The following PRKAG2 variants were observed in gnomAD, a reference collection of about 807,000 sequenced individuals.
PRKAG2 encodes protein kinase AMP-activated non-catalytic subunit gamma 2.
PRKAG2 carries 26 observed loss-of-function variants against 69.6 expected under a neutral mutation model. That is an observed-to-expected ratio of 0.37 (90% CI 0.27 to 0.52). PRKAG2 has a LOEUF of 0.52. Among genes scored for constraint, PRKAG2 ranks in the 20% least tolerant of loss-of-function variants. PRKAG2 has a pLI of 0.90. For missense variants in PRKAG2, 557 were observed against 740.0 expected (o/e 0.75, Z 2.87); for synonymous variants, 293 against 285.0 (o/e 1.03, Z -0.28).
rs574129821 is a variant in PRKAG2 at position 151,614,209 on chromosome 7, G to A, written c.754+17860C>T. 7.2e-5 allele frequency among the ~76,000 whole-genome samples: 11 copies of A among 152,298 alleles called. No homozygotes were observed. The highest frequency in any genetic ancestry group is 2.0e-4 in the Admixed American group (3 of 15,294). ...ACGCTGTCTCCAGCTGTGTCTTGAAGGCAGGAAAAGGGATTCCAGGCAGAG... is the reference window on the plus strand; with the variant it reads ...ACGCTGTCTCCAGCTGTGTCTTGAAAGCAGGAAAAGGGATTCCAGGCAGAG... On this transcript the variant is annotated intron_variant, in intron 5 of 15. Transcript: ENST00000287878. This position sits in a 1 kb window ranked among gnomAD's most constrained non-coding sequence, Gnocchi z 4.4.
intron 3 of PRKAG2, among the ~76,000 whole-genome samples, chr7:151,686,877 C>G (rs1394442553): frequency 6.6e-6 from 1 of 152,086 alleles, no homozygotes; most frequent in African/African-American, 2.4e-5. Flanking sequence ...TGGAAAATAT[C>G]TGAGTGATCT....
intron 6 of PRKAG2, among the ~76,000 whole-genome samples, chr7:151,591,266 C>T (rs1813062266): frequency 6.6e-6 from 1 of 152,256 alleles, no homozygotes; most frequent in African/African-American, 2.4e-5. Context: ...GTCTGCTTTA[C>T]CTGGCAACAG....
At chr7:151,752,865 G>T (rs1346383695) in intron 3 of PRKAG2, among the ~76,000 whole-genome samples, 7 of 152,258 alleles carry the variant, frequency 4.6e-5, no homozygotes, top group Non-Finnish European at 8.8e-5. Flanking sequence ...GCCCTGACTG[G>T]TGACAAGGGG....
At chr7:151,848,190 T>A (rs1321693299) in intron 1 of PRKAG2, among the ~76,000 whole-genome samples, 1 of 152,158 alleles carries the variant, frequency 6.6e-6, no homozygotes, top group African/African-American at 2.4e-5. Context: ...TGAAACTTAA[T>A]CCCTCATGCA....
intron 3 of PRKAG2, among the ~76,000 whole-genome samples, chr7:151,718,320 C>T (rs923029385): frequency 6.6e-6 from 1 of 152,096 alleles, no homozygotes; most frequent in Non-Finnish European, 1.5e-5. Flanking sequence ...GGCCACAGTC[C>T]TATCAGCTTA....
chr7:151,560,532 G>A lies in PRKAG2; in HGVS notation c.1670C>T (p.Thr557Ile). The part of the protein sequence containing the change: ...LSDILQALIL[T>I]PAGAKQKETE... ...AGAAACCAGCATTTTACCTGCTGGT[G>A]TGAGGATCAGGGCTTGCAGAATGTC... Residue 557 changes from threonine to isoleucine, a missense_variant, in exon 15 of 16, where the codon ACA becomes ATA. Physicochemically the swap from Thr to Ile is moderately conservative, Grantham distance 89 (BLOSUM62 -1). This residue lies in a region of PRKAG2 where 205 missense variants were observed against 383.4 expected (regional missense o/e 0.53). Transcript: ENST00000287878. 6.2e-7 allele frequency: 1 copy of A among 1,614,166 alleles called. No homozygotes were observed. The highest frequency in any genetic ancestry group is 1.1e-5 in the South Asian group (1 of 91,082).
At chr7:151,823,839 C>T (rs1586671712) in intron 1 of PRKAG2, among the ~76,000 whole-genome samples, 1 of 152,178 alleles carries the variant, frequency 6.6e-6, no homozygotes, top group Admixed American at 6.5e-5. Flanking sequence ...ATTAGAACCT[C>T]TGGGGAGTTT....
chr7:151,789,572 C>T (rs574127523), intron 1 of PRKAG2, among the ~76,000 whole-genome samples: 1 of 140,152 alleles, frequency 7.1e-6, no homozygotes, highest in Non-Finnish European at 1.5e-5. Flanking sequence ...GCTAAGGCCC[C>T]AGCCACTCGT....
chr7:151,706,175 G>A (rs1400274515), intron 3 of PRKAG2, among the ~76,000 whole-genome samples: 2 of 152,222 alleles, frequency 1.3e-5, no homozygotes, highest in South Asian at 2.1e-4. Context: ...CCACACAGCT[G>A]GCTGGTGTCA....
intron 1 of PRKAG2, among the ~76,000 whole-genome samples, chr7:151,838,840 C>T (rs950642939): frequency 8.6e-5 from 13 of 151,412 alleles, no homozygotes; most frequent in Non-Finnish European, 1.5e-4. Flanking sequence ...CATGGTGAAA[C>T]CCCATCTCTA....
At chr7:151,867,222 G>A (rs192681484) in intron 1 of PRKAG2, among the ~76,000 whole-genome samples, 57 of 152,284 alleles carry the variant, frequency 3.7e-4, no homozygotes, top group East Asian at 3.7e-3. Context: ...CTGTGGCTGC[G>A]CTGTGCTTTG....
rs2080417875 is a variant in PRKAG2 at position 151,876,859 on chromosome 7, C to T, written c.-239G>A. 1 of 578,430 alleles carries T rather than the reference C, an allele frequency of 1.7e-6. No homozygotes were observed. 35.8% of individuals were successfully genotyped at this position (578,430 alleles called of 1,614,324 possible). On this transcript the variant is annotated 5_prime_UTR_variant, in exon 1 of 16. Transcript: ENST00000287878. ...CCTCGTAGGCAAATCAGTCAAAGCCCGTCCCGGTTCTGGTGTCTCCCCGGG... is the reference window on the plus strand; with the variant it reads ...CCTCGTAGGCAAATCAGTCAAAGCCTGTCCCGGTTCTGGTGTCTCCCCGGG...
chr7:151,667,337 A>T (rs1831202294), intron 4 of PRKAG2, among the ~76,000 whole-genome samples: 1 of 152,212 alleles, frequency 6.6e-6, no homozygotes, highest in Non-Finnish European at 1.5e-5. Flanking sequence ...AACCGCAACA[A>T]TCTACTTTAC....
chr7:151,844,452 G>A (rs1396350127), intron 1 of PRKAG2, among the ~76,000 whole-genome samples: 2 of 152,176 alleles, frequency 1.3e-5, no homozygotes, highest in Non-Finnish European at 2.9e-5. Context: ...GAAGGAACGG[G>A]GGTAAAAACC....
At position 151,632,260 on chromosome 7, in the gene PRKAG2, G is replaced by C; in HGVS notation, c.685-122C>G. On this transcript the variant is annotated intron_variant, in intron 4 of 15. Transcript: ENST00000287878. This position sits in a 1 kb window ranked among gnomAD's most constrained non-coding sequence, Gnocchi z 4.2. The stretch of plus-strand genomic sequence containing the variant: ...CCGCGCCGCCGGGAGGAGGGGCCTG[G>C]CAGGGGACGCGGGCAGCGGGGGCCG... 1 of 1,044,690 alleles carries C rather than the reference G, an allele frequency of 9.6e-7. No homozygotes were observed. Among genetic ancestry groups the C allele is most frequent in the Non-Finnish European group, 1.2e-6 (1 of 869,282 alleles). The allele number at this position is 1,044,690 out of a possible 1,614,324, so 64.7% of individuals were successfully genotyped here.
At chr7:151,701,392 A>G (rs1448903444) in intron 3 of PRKAG2, among the ~76,000 whole-genome samples, 1 of 152,202 alleles carries the variant, frequency 6.6e-6, no homozygotes, top group Non-Finnish European at 1.5e-5. Context: ...GACCTTAGAC[A>G]TAGGGTCATT....
intron 3 of PRKAG2, among the ~76,000 whole-genome samples, chr7:151,727,893 C>A (rs1563536560): frequency 6.6e-6 from 1 of 152,188 alleles, no homozygotes; most frequent in Non-Finnish European, 1.5e-5. Flanking sequence ...TGTGAGTCAT[C>A]AAAACTTCCT....
Position 151,814,298 on chromosome 7 carries a change from C to G in PRKAG2, c.115-27757G>C. On this transcript the variant is annotated intron_variant, in intron 1 of 15. Coordinates refer to ENST00000287878, the MANE Select transcript of PRKAG2 (RefSeq NM_016203.4). The surrounding 1 kb of genome is among the most constrained non-coding windows in gnomAD (Gnocchi z 4.8). The stretch of plus-strand genomic sequence containing the variant: ...AAGAGGCTCTTGGAGAACAAAGCCA[C>G]AATTCAGCATCAGTCTTACACACCA... 1.5e-6 allele frequency: 1 copy of G among 683,916 alleles called. No homozygotes were observed. The highest frequency in any genetic ancestry group is 1.9e-6 in the Non-Finnish European group (1 of 519,968). 42.4% of individuals were successfully genotyped at this position (683,916 alleles called of 1,614,324 possible).
intron 5 of PRKAG2, among the ~76,000 whole-genome samples, chr7:151,626,202 C>T (rs975260746): frequency 7.2e-5 from 11 of 152,148 alleles, no homozygotes; most frequent in African/African-American, 1.9e-4. Flanking sequence ...CCAATACCCC[C>T]GAATCCTCCC....
Sources: gnomAD v4.1 joint callset for allele counts (sites outside exome capture counted in the v4.1 genomes callset) on GRCh38, gnomAD v4.1.1 for gene constraint, gnomAD v4.1.1 regional missense constraint, Gnocchi (gnomAD v3.1) non-coding constraint, MANE v1.5 for transcripts, NCBI Gene and HGNC (gene_info 2026-07-23, HGNC 2026-07-21) for gene names.